Variants in OPHN1 observed in about 807,000 individuals in gnomAD.
OPHN1 encodes the protein oligophrenin 1.
Under a neutral mutation model 60.7 loss-of-function variants are expected in OPHN1, and 11 were observed. The ratio of observed to expected loss-of-function variants is 0.18; its 90% CI spans 0.11 to 0.30. The LOEUF is 0.30. Among genes scored for constraint, OPHN1 ranks in the 10% least tolerant of loss-of-function variants. OPHN1 has a pLI of 1.00. For synonymous variants in OPHN1, 226 were observed against 222.6 expected, an observed-to-expected ratio of 1.02 and a Z score of -0.14; for missense variants, 449 against 611.0, an observed-to-expected ratio of 0.73 and a Z score of 2.80.
intron 2 of OPHN1, among the ~76,000 whole-genome samples, chrX:68,337,553 C>G (rs960525679): frequency 1.8e-5 from 2 of 110,831 alleles, no homozygotes; most frequent in African/African-American, 6.6e-5. Flanking sequence ...ACAAGGTCTA[C>G]GTTGCCCAGG....
At position 68,116,242 on chromosome X, in the gene OPHN1, A is replaced by G. The variant is rs145978236; in HGVS notation, c.1362-3003T>C. On this transcript the variant is annotated intron_variant, in intron 16 of 24. Transcript: ENST00000355520. ...CTGGATCTGGAAAGAAATGAAGGAA[A>G]ACAATGGGGGAAGGGGATTCTCTAT... 3.3e-3 allele frequency among the ~76,000 whole-genome samples: 364 copies of G among 111,965 alleles called. 1 individual carries two copies. Among genetic ancestry groups the G allele is most frequent in the African/African-American group, 0.011 (344 of 30,851 alleles).
At chrX:68,192,855 C>T in intron 15 of OPHN1, 64 bp downstream of exon 15, 1 of 879,484 alleles carries the variant, frequency 1.1e-6, no homozygotes, top group East Asian at 3.1e-5. Context: ...CTTTCTCTTC[C>T]AGTCACATTT....
At chrX:68,265,816 T>C (rs1172193852) in intron 5 of OPHN1, among the ~76,000 whole-genome samples, 1 of 110,573 alleles carries the variant, frequency 9.0e-6, no homozygotes, top group Non-Finnish European at 1.9e-5. Context: ...GAATAACCAA[T>C]GCAGAGAACT....
At chrX:68,394,562 T>C (rs1433119220) in intron 2 of OPHN1, among the ~76,000 whole-genome samples, 1 of 112,492 alleles carries the variant, frequency 8.9e-6, no homozygotes, top group Non-Finnish European at 1.9e-5. Context: ...GTTATTATCT[T>C]TCTATTCAAG....
intron 5 of OPHN1, among the ~76,000 whole-genome samples, chrX:68,267,682 C>A (rs1021312202): frequency 8.9e-6 from 1 of 112,120 alleles, no homozygotes; most frequent in Admixed American, 9.5e-5. Flanking sequence ...TAATGAAGAT[C>A]AGAGCAGAAC....
chrX:68,310,854 C>A (rs1359025303), intron 2 of OPHN1, among the ~76,000 whole-genome samples: 1 of 110,733 alleles, frequency 9.0e-6, no homozygotes, highest in Non-Finnish European at 1.9e-5. Flanking sequence ...AAGAAATCAT[C>A]CAGAGCACAG....
At chrX:68,253,228 A>G (rs2077845209) in intron 5 of OPHN1, among the ~76,000 whole-genome samples, 1 of 111,430 alleles carries the variant, frequency 9.0e-6, no homozygotes, top group Non-Finnish European at 1.9e-5. Flanking sequence ...ATAGTTCATT[A>G]TCCTCATTTT....
At chrX:68,272,110 G>A (rs943487801) in intron 5 of OPHN1, among the ~76,000 whole-genome samples, 4 of 110,946 alleles carry the variant, frequency 3.6e-5, no homozygotes, top group Non-Finnish European at 5.7e-5. Flanking sequence ...TCACAGAGCA[G>A]GTATTGAGAG....
intron 5 of OPHN1, among the ~76,000 whole-genome samples, chrX:68,262,530 T>C (rs2077898506): frequency 8.9e-6 from 1 of 111,981 alleles, no homozygotes; most frequent in Non-Finnish European, 1.9e-5. Context: ...ACCCCTATAA[T>C]CCCAGAACTT....
chrX:68,084,980 C>T (rs2076989943), intron 19 of OPHN1, among the ~76,000 whole-genome samples: 1 of 112,515 alleles, frequency 8.9e-6, no homozygotes, highest in Admixed American at 9.4e-5. Flanking sequence ...CAACATCCTT[C>T]CCAAAGCTGG....
At chrX:68,056,427 G>A (rs1387456862) in intron 21 of OPHN1, among the ~76,000 whole-genome samples, 2 of 111,537 alleles carry the variant, frequency 1.8e-5, no homozygotes, top group Non-Finnish European at 3.8e-5. Flanking sequence ...AGATATATAT[G>A]TAAAGAAATA....
intron 2 of OPHN1, among the ~76,000 whole-genome samples, chrX:68,370,046 A>ATAT (rs1459985342): frequency 4.2e-5 from 4 of 94,313 alleles, no homozygotes; most frequent in East Asian, 3.3e-4. Flanking sequence ...ATATATATAG[A>ATAT]ACCTGTCAAC....
intron 18 of OPHN1, among the ~76,000 whole-genome samples, chrX:68,105,282 T>A (rs890065651): frequency 9.0e-6 from 1 of 110,535 alleles, no homozygotes; most frequent in African/African-American, 3.3e-5. Flanking sequence ...TGAAATACCA[T>A]TTGACCTGGT....
At chrX:68,113,320 T>G in intron 16 of OPHN1, 81 bp from the exon 17 acceptor site, 1 of 772,183 alleles carries the variant, frequency 1.3e-6, no homozygotes, top group Non-Finnish European at 2.0e-6. Context: ...ACAGCAAGGC[T>G]GAAGTTCCTG....
intron 3 of OPHN1, among the ~76,000 whole-genome samples, chrX:68,295,735 G>A (rs1183567265): frequency 8.9e-6 from 1 of 112,025 alleles, no homozygotes; most frequent in Non-Finnish European, 1.9e-5. Flanking sequence ...AGAGCTGATC[G>A]TCAGGGGGAG....
At chrX:68,242,670 T>C (rs1405699706) in intron 5 of OPHN1, among the ~76,000 whole-genome samples, 2 of 111,114 alleles carry the variant, frequency 1.8e-5, no homozygotes, top group East Asian at 5.7e-4. Flanking sequence ...AAAACCCAAA[T>C]GTCTATCAAT....
At chrX:68,422,746 A>T (rs778754938) in intron 2 of OPHN1, among the ~76,000 whole-genome samples, 2 of 81,163 alleles carry the variant, frequency 2.5e-5, no homozygotes, top group East Asian at 4.7e-4. Context: ...GAAGGAAGGA[A>T]GGATGAAAGA....
chrX:68,283,729 A>G (rs900993236), intron 3 of OPHN1, among the ~76,000 whole-genome samples: 1 of 111,750 alleles, frequency 8.9e-6, no homozygotes, highest in African/African-American at 3.2e-5. Context: ...AAATTCCTCA[A>G]CTTCTCTCCA....
chrX:68,173,096 A>T (rs1222723446), intron 15 of OPHN1, among the ~76,000 whole-genome samples: 2 of 110,319 alleles, frequency 1.8e-5, no homozygotes, highest in Non-Finnish European at 3.8e-5. Flanking sequence ...AGTATAACTC[A>T]TGCCTGCTTG....
Sources: gnomAD v4.1 joint callset for allele counts (sites outside exome capture counted in the v4.1 genomes callset) on GRCh38, gnomAD v4.1.1 for gene constraint, MANE v1.5 for transcripts, NCBI Gene and HGNC (gene_info 2026-07-23, HGNC 2026-07-21) for gene names.